The following DEPDC5 variants were observed in gnomAD, a reference collection of about 807,000 sequenced individuals.
DEPDC5 encodes GATOR1 complex protein DEPDC5.
In DEPDC5, 73 loss-of-function variants were observed where a neutral mutation model predicts 217.3. That is an observed-to-expected ratio of 0.34 (90% CI 0.28 to 0.41). DEPDC5 has a LOEUF of 0.41. DEPDC5 is among the 10% of genes least tolerant of loss of function. DEPDC5 has a pLI of 1.00. For missense variants in DEPDC5, 1,675 were observed against 2,070.1 expected (o/e 0.81, Z 3.70); for synonymous variants, 733 against 756.7 (o/e 0.97, Z 0.51).
At chr22:31,872,782 C>T (rs1232257888) in intron 34 of DEPDC5, among the ~76,000 whole-genome samples, 1 of 151,974 alleles carries the variant, frequency 6.6e-6, no homozygotes, top group Non-Finnish European at 1.5e-5. Context: ...GAGACAGTCT[C>T]GCTCTGTTGC....
rs183886342 is a variant in DEPDC5, at chr22:31,850,129, A to G, written c.3155+3162A>G. 2.1e-3 allele frequency among the ~76,000 whole-genome samples: 321 copies of G among 152,332 alleles called. 1 individual carries two copies. Among genetic ancestry groups the G allele is most frequent in the Non-Finnish European group, 1.9e-3 (130 of 68,032 alleles). On this transcript the variant is annotated intron_variant, in intron 31 of 42. Coordinates refer to ENST00000651528, the MANE Select transcript of DEPDC5 (RefSeq NM_001242896.3). ...GTGAGACTCTGTCTCAACAACAACA[A>G]CAACAAAATTTGAGCCGGGTTTTAA... is the stretch of plus-strand genomic sequence containing the variant.
At chr22:31,775,251 C>G (rs2148282178) in intron 7 of DEPDC5, among the ~76,000 whole-genome samples, 1 of 151,840 alleles carries the variant, frequency 6.6e-6, no homozygotes, top group Non-Finnish European at 1.5e-5. Context: ...GCGATCTGAG[C>G]TCATTGCAAC....
intron 17 of DEPDC5, among the ~76,000 whole-genome samples, chr22:31,805,906 TG>T (rs2087472126): frequency 6.6e-6 from 1 of 152,138 alleles, no homozygotes; most frequent in Non-Finnish European, 1.5e-5. Flanking sequence ...GAAACCATTT[TG>T]GTCAGTGTAG....
chr22:31,843,323 TC>T, intron 28 of DEPDC5, 111 bp downstream of exon 28: 1 of 1,166,448 alleles, frequency 8.6e-7, no homozygotes, highest in Non-Finnish European at 1.2e-6. Flanking sequence ...GGTTGGTTTT[TC>T]TTTTGGAGTT....
Position 31,846,251 on chromosome 22 carries a change from C to G in DEPDC5, c.3022-583C>G, listed in dbSNP as rs946269084. ...CATAATATGTGACCTTTTGAGGCTG[C>G]CTTCTTTCACTTAGCATAATGCCTT... is the stretch of plus-strand genomic sequence containing the variant. On this transcript the variant is annotated intron_variant, in intron 30 of 42. Transcript: ENST00000651528. Among the ~76,000 whole-genome samples the G allele has an allele frequency of 5.3e-5, 8 of 152,274 alleles. 1 individual carries two copies. Among genetic ancestry groups the G allele is most frequent in the South Asian group, 4.1e-4 (2 of 4,826 alleles).
chr22:31,817,380 G>A, intron 21 of DEPDC5: 1 of 393,136 alleles, frequency 2.5e-6, no homozygotes, highest in Non-Finnish European at 5.0e-6. Context: ...AAAGTGCTGG[G>A]ATTACGGGCG....
At chr22:31,835,128 A>G (rs191175878) in intron 25 of DEPDC5, among the ~76,000 whole-genome samples, 150 of 152,314 alleles carry the variant, frequency 9.8e-4, no homozygotes, top group African/African-American at 3.5e-3. Flanking sequence ...CCCTGTCTCT[A>G]TTAAATTAGA....
intron 33 of DEPDC5, among the ~76,000 whole-genome samples, chr22:31,869,922 A>G (rs2092795488): frequency 6.6e-6 from 1 of 152,174 alleles, no homozygotes; most frequent in African/African-American, 2.4e-5. Flanking sequence ...GGCTATTTAG[A>G]AGAATGTTAC....
At chr22:31,787,829 AAG>A (rs1335675935) in intron 10 of DEPDC5, among the ~76,000 whole-genome samples, 72 of 150,924 alleles carry the variant, frequency 4.8e-4, no homozygotes, top group African/African-American at 1.6e-3. Flanking sequence ...AAAAAAAAAA[AAG>A]AAGAAGAAAA....
intron 40 of DEPDC5, among the ~76,000 whole-genome samples, chr22:31,899,439 A>C (rs2093610114): frequency 6.6e-6 from 1 of 151,396 alleles, no homozygotes; most frequent in Non-Finnish European, 1.5e-5. Flanking sequence ...CCCAGGCTGG[A>C]GTGCAGTGGC....
intron 7 of DEPDC5, among the ~76,000 whole-genome samples, chr22:31,770,547 A>ATTTTTTTTTTTTTTT (rs34409975): frequency 7.5e-6 from 1 of 133,462 alleles, no homozygotes; most frequent in Non-Finnish European, 1.6e-5. Context: ...CACGTAGCTA[A>ATTTTTTTTTTTTTTT]TTTTTTTTTT....
intron 34 of DEPDC5, among the ~76,000 whole-genome samples, chr22:31,871,076 A>G (rs560421794): frequency 1.3e-5 from 2 of 152,318 alleles, no homozygotes; most frequent in South Asian, 4.1e-4. Context: ...ACGTCATAGC[A>G]TGCTGTCAGT....
chr22:31,770,644 C>T (rs556063427), intron 7 of DEPDC5, among the ~76,000 whole-genome samples: 16 of 149,504 alleles, frequency 1.1e-4, no homozygotes, highest in African/African-American at 3.2e-4. Context: ...TGCCCACCTT[C>T]GACTCCCAAA....
At chr22:31,847,140 A>C (rs534292633) in intron 31 of DEPDC5, among the ~76,000 whole-genome samples, 173 bp downstream of exon 31, 1 of 152,376 alleles carries the variant, frequency 6.6e-6, no homozygotes, top group South Asian at 2.1e-4. Flanking sequence ...ATAACATGAA[A>C]TAGGCCAGAA....
chr22:31,841,347 G>A (rs1045646483), intron 27 of DEPDC5, among the ~76,000 whole-genome samples: 2 of 152,246 alleles, frequency 1.3e-5, no homozygotes, highest in African/African-American at 2.4e-5. Context: ...CTGTCACTGT[G>A]TGACTGTCTC....
rs550347766 is a variant in DEPDC5 at position 31,869,973 on chromosome 22, A to T, written c.3331-617A>T. Among the ~76,000 whole-genome samples, 703 of 152,256 alleles carry T rather than the reference A, an allele frequency of 4.6e-3. 5 individuals are homozygous for T. The highest frequency in any genetic ancestry group is 8.1e-3 in the Non-Finnish European group (551 of 67,990). On this transcript the variant is annotated intron_variant, in intron 33 of 42. Transcript: ENST00000651528. ...GAGGAAGTACAGGCATGATTTAGAG[A>T]TGCATGTGAATCTGCAGAGGGCAGG...
chr22:31,838,532 T>G (rs549563740), intron 26 of DEPDC5, among the ~76,000 whole-genome samples, 153 bp from the exon 27 acceptor site: 3 of 152,188 alleles, frequency 2.0e-5, no homozygotes, highest in Non-Finnish European at 4.4e-5. Context: ...ATTACAGACA[T>G]GAGCCACCAT....
intron 12 of DEPDC5, among the ~76,000 whole-genome samples, chr22:31,795,761 G>A (rs9637327): frequency 7.0e-6 from 1 of 143,398 alleles, no homozygotes; most frequent in Non-Finnish European, 1.5e-5. Flanking sequence ...TCGGAGTTTC[G>A]CTCTTGTTGC....
At chr22:31,822,935 C>G in intron 24 of DEPDC5, 145 bp downstream of exon 24, 1 of 730,994 alleles carries the variant, frequency 1.4e-6, no homozygotes, top group Non-Finnish European at 2.3e-6. Context: ...AAACAGTGCT[C>G]TATAATGCAT....
Sources: gnomAD v4.1 joint callset for allele counts (sites outside exome capture counted in the v4.1 genomes callset) on GRCh38, gnomAD v4.1.1 for gene constraint, MANE v1.5 for transcripts, NCBI Gene and HGNC (gene_info 2026-07-23, HGNC 2026-07-21) for gene names.